The following SP110 variants were observed in gnomAD, a reference collection of about 807,000 sequenced individuals.
SP110 encodes SP110 nuclear body protein.
In SP110, 62 loss-of-function variants were observed where a neutral mutation model predicts 92.7. That is an observed-to-expected ratio of 0.67 (90% CI 0.55 to 0.83). SP110 has a LOEUF of 0.83. SP110 is among the 40% of genes least tolerant of loss of function. SP110 has a pLI of 0.00. For missense variants in SP110, 793 were observed against 863.9 expected, an observed-to-expected ratio of 0.92 and a Z score of 1.03; for synonymous variants, 273 against 305.3, an observed-to-expected ratio of 0.89 and a Z score of 1.10.
At chr2:230,203,258 T>C (rs1026540631) in intron 8 of SP110, 2 of 173,604 alleles carry the variant, frequency 1.2e-5, no homozygotes, top group Non-Finnish European at 2.5e-5. Context: ...CCAGAGGAGG[T>C]GCAATGCCAG....
intron 8 of SP110, among the ~76,000 whole-genome samples, chr2:230,206,631 A>G (rs1178559113): frequency 9.6e-6 from 1 of 104,516 alleles, no homozygotes; most frequent in Non-Finnish European, 2.0e-5. Flanking sequence ...ATATATATAT[A>G]TATATATGGA....
chr2:230,167,273 ATTT>A lies in SP110; in HGVS notation c.*1848_*1850del, dbSNP rs67471942. On this transcript the variant is annotated 3_prime_UTR_variant, in exon 19 of 19. Coordinates refer to ENST00000258381, the MANE Select transcript of SP110 (RefSeq NM_080424.4). ...CCACCTTGCCCAGCTAATTAAAAAG[ATTT>A]TTTTTTTTTTTTTTTTGTAGAGATG... is the stretch of plus-strand genomic sequence containing the variant. 2.3e-3 allele frequency: 303 copies of A among 129,900 alleles called. No homozygotes were observed. Among genetic ancestry groups the A allele is most frequent in the African/African-American group, 5.5e-3 (183 of 33,028 alleles). The allele number at this position is 129,900 out of a possible 1,614,324, so 8.0% of individuals were successfully genotyped here.
rs760017959 is a variant in SP110, at chr2:230,170,626, A to G, written c.2023T>C (p.Tyr675His). The part of the protein sequence containing the change: ...RLMFRNHKTF[Y>H]KASDFGQVGL... Reference sequence around the variant, plus strand: ...AAGCAGGAAATGCTCTTTACCTTGTAAAATGTTTTATGGTTGCGAAACATC... The same window carrying G: ...AAGCAGGAAATGCTCTTTACCTTGTGAAATGTTTTATGGTTGCGAAACATC... Residue 675 changes from tyrosine (Y) to histidine (H), a missense_variant, in exon 18 of 19, where the codon TAC becomes CAC. Coordinates refer to ENST00000258381, the MANE Select transcript of SP110 (RefSeq NM_080424.4). 3 of 1,614,176 alleles carry G rather than the reference A, an allele frequency of 1.9e-6. No homozygotes were observed. Among genetic ancestry groups the G allele is most frequent in the South Asian group, 2.2e-5 (2 of 91,078 alleles).
At chr2:230,169,738 G>A (rs1343697235) in intron 18 of SP110, among the ~76,000 whole-genome samples, 1 of 152,160 alleles carries the variant, frequency 6.6e-6, no homozygotes, top group African/African-American at 2.4e-5. Context: ...CCTGACAGGC[G>A]ATTTAGACTG....
intron 13 of SP110, 67 bp from the exon 14 acceptor site, chr2:230,177,747 C>T: frequency 3.2e-6 from 5 of 1,555,338 alleles, no homozygotes; most frequent in Non-Finnish European, 1.8e-6. Context: ...ACCTCTTCAT[C>T]CTAATTGTGG....
chr2:230,174,631 C>A (rs11695370), intron 14 of SP110, among the ~76,000 whole-genome samples: 2,775 of 152,336 alleles, frequency 0.018, 40 homozygotes, highest in Non-Finnish European at 0.026. Flanking sequence ...GCATCCAAGC[C>A]CTTCTGGAGA....
At chr2:230,175,874 C>A (rs1407395424) in intron 14 of SP110, among the ~76,000 whole-genome samples, 1 of 151,896 alleles carries the variant, frequency 6.6e-6, no homozygotes, top group Non-Finnish European at 1.5e-5. Context: ...CATGGATGAT[C>A]CTCTTGTCCT....
At chr2:230,187,562 T>G (rs573367039) in intron 10 of SP110, among the ~76,000 whole-genome samples, 1 of 152,306 alleles carries the variant, frequency 6.6e-6, no homozygotes, top group African/African-American at 2.4e-5. Context: ...ATGAATTCTT[T>G]GCCTAGGCCA....
At chr2:230,173,124 C>G (rs2078494082) in intron 14 of SP110, 165 bp from the exon 15 acceptor site, 5 of 628,502 alleles carry the variant, frequency 8.0e-6, no homozygotes, top group South Asian at 4.7e-5. Context: ...AATTGCAAGA[C>G]AAATGGCACA....
At chr2:230,181,642 G>A (rs575689930) in intron 12 of SP110, among the ~76,000 whole-genome samples, 3 of 152,144 alleles carry the variant, frequency 2.0e-5, no homozygotes, top group East Asian at 3.9e-4. Context: ...GTGGGCAAAG[G>A]ACATGAACAG....
intron 12 of SP110, among the ~76,000 whole-genome samples, chr2:230,179,093 T>C (rs1038331890): frequency 6.6e-6 from 1 of 152,084 alleles, no homozygotes; most frequent in African/African-American, 2.4e-5. Flanking sequence ...CCTCAAACAG[T>C]TATTGAAAGA....
Position 230,202,595 on chromosome 2 carries a change from T to C in SP110, c.1032A>G (p.Arg344=), listed in dbSNP as rs370278137. The C allele has an allele frequency of 8.7e-6, 14 of 1,614,108 alleles. No homozygotes were observed. Among genetic ancestry groups the C allele is most frequent in the Non-Finnish European group, 1.0e-5 (12 of 1,180,034 alleles). The change falls in exon 9 of 19, where the codon CGA becomes CGG. Residue 344 remains arginine, a synonymous_variant. Transcript: ENST00000258381. ...RAQKARTECA[R]KSRSEEIIDG... ...CAGCCTTACCCTCTGATCTCGACTT[T>C]CGGGCACATTCAGTTCTCGCCTTTT...
In SP110 at chr2:230,212,082, C is replaced by T. The variant is rs190860430; in HGVS notation, c.667+265G>A. 8.5e-5 allele frequency among the ~76,000 whole-genome samples: 13 copies of T among 152,224 alleles called. No homozygotes were observed. The East Asian group carries it at 2.5e-3, about 29-fold the overall frequency. On this transcript the variant is annotated intron_variant, in intron 5 of 18. Coordinates refer to ENST00000258381, the MANE Select transcript of SP110 (RefSeq NM_080424.4). ...AATGAAGAATGTTGAAACTCTAAGGCCCCCATAATCAGGTGGGGGTGAGGA... is the reference window on the plus strand; with the variant it reads ...AATGAAGAATGTTGAAACTCTAAGGTCCCCATAATCAGGTGGGGGTGAGGA...
intron 16 of SP110, 102 bp from the exon 17 acceptor site, chr2:230,171,869 C>T (rs1031519837): frequency 6.3e-6 from 6 of 953,752 alleles, no homozygotes; most frequent in Non-Finnish European, 6.9e-6. Context: ...CAAGCCCAGT[C>T]AGCATTCCAG....
intron 1 of SP110, among the ~76,000 whole-genome samples, chr2:230,218,594 G>C (rs1004689247): frequency 6.6e-6 from 1 of 152,126 alleles, no homozygotes; most frequent in Non-Finnish European, 1.5e-5. Context: ...ATACAGCAGC[G>C]CTCAGAACAG....
intron 2 of SP110, 102 bp downstream of exon 2, chr2:230,216,679 C>T: frequency 7.0e-7 from 1 of 1,431,782 alleles, no homozygotes; most frequent in Non-Finnish European, 9.8e-7. Context: ...TGGGCTGGGC[C>T]TTCCAAACTC....
At chr2:230,172,799 G>A (rs1190927011) in intron 15 of SP110, 45 bp downstream of exon 15, 1 of 1,285,416 alleles carries the variant, frequency 7.8e-7, no homozygotes, top group Admixed American at 1.7e-5. Flanking sequence ...CTTTCCATCT[G>A]GAGGTGAGTG....
chr2:230,180,874 G>T (rs1238333946), intron 12 of SP110, among the ~76,000 whole-genome samples: 1 of 152,150 alleles, frequency 6.6e-6, no homozygotes, highest in African/African-American at 2.4e-5. Context: ...TACATTTTTA[G>T]TGTAAAGGAA....
chr2:230,225,594 G>T, exon 1 of SP110: 1 of 565,538 alleles, frequency 1.8e-6, no homozygotes, highest in South Asian at 2.0e-5. Flanking sequence ...TCCTTGGCAG[G>T]AACAAGTGAC....
Sources: gnomAD v4.1 joint callset for allele counts (sites outside exome capture counted in the v4.1 genomes callset) on GRCh38, gnomAD v4.1.1 for gene constraint, MANE v1.5 for transcripts, NCBI Gene and HGNC (gene_info 2026-07-23, HGNC 2026-07-21) for gene names.